Variants in KIRREL3 observed in about 807,000 individuals in gnomAD.
The protein encoded by KIRREL3 is kirre like nephrin family adhesion molecule 3.
In KIRREL3, 36 loss-of-function variants were observed where a neutral mutation model predicts 89.7. That is an observed-to-expected ratio of 0.40 (90% confidence interval 0.31 to 0.53). The LOEUF is 0.53. Ranked by LOEUF, KIRREL3 falls within the 20% of genes least tolerant of loss-of-function variation. The probability of loss-of-function intolerance (pLI) is 0.49; values close to 1 mark genes in which losing one functional copy is unlikely to be tolerated. For synonymous variants in KIRREL3, 445 were observed against 441.4 expected (o/e 1.01, Z -0.10); for missense variants, 864 against 1,056.6 (o/e 0.82, Z 2.53).
chr11:126,905,078 C>T lies in KIRREL3; in HGVS notation c.55+95377G>A, dbSNP rs1374553604. On this transcript the variant is annotated intron_variant, in intron 1 of 16. Transcript: ENST00000525144. The surrounding 1 kb of genome is among the most constrained non-coding windows in gnomAD (Gnocchi z 5.0). ...TTCCCTGGTTTGGCAAAAAGGGCGACATGATGGTTGGTGTCTATGAAGACA... is the reference window on the plus strand; with the variant it reads ...TTCCCTGGTTTGGCAAAAAGGGCGATATGATGGTTGGTGTCTATGAAGACA... Among the ~76,000 whole-genome samples, 1 of 152,124 alleles carries T rather than the reference C, an allele frequency of 6.6e-6. No homozygotes were observed. The highest frequency in any genetic ancestry group is 1.5e-5 in the Non-Finnish European group (1 of 68,020).
rs547381322 is a variant in KIRREL3, at chr11:126,685,213, C to G, written c.56-122301G>C. Among the ~76,000 whole-genome samples the G allele has an allele frequency of 6.6e-5, 10 of 152,330 alleles. No individual in the cohort carries two copies. In the South Asian group the frequency reaches 1.7e-3, roughly 25 times the overall value. On this transcript the variant is annotated intron_variant, in intron 1 of 16. Coordinates refer to ENST00000525144, the MANE Select transcript of KIRREL3 (RefSeq NM_032531.4). This position sits in a 1 kb window ranked among gnomAD's most constrained non-coding sequence, Gnocchi z 5.5. Reference sequence around the variant, plus strand: ...ATGTGCTGAGAGCAGAGGATAGCCCCAGCTCTGCTCTGGGGAGTCAGGGGC... The same window carrying G: ...ATGTGCTGAGAGCAGAGGATAGCCCGAGCTCTGCTCTGGGGAGTCAGGGGC...
In KIRREL3 at chr11:126,723,611, A is replaced by G. The variant is rs1824564249; in HGVS notation, c.56-160699T>C. Among the ~76,000 whole-genome samples, 1 of 152,212 alleles carries G rather than the reference A, an allele frequency of 6.6e-6. No individual in the cohort carries two copies. Among genetic ancestry groups the G allele is most frequent in the South Asian group, 2.1e-4 (1 of 4,834 alleles). ...AGTGGATCTCAACTTCAGCAAACAG[A>G]ACATTTTCTACTTTTCTATACTGTA... On this transcript the variant is annotated intron_variant, in intron 1 of 16. Coordinates refer to ENST00000525144, the MANE Select transcript of KIRREL3 (RefSeq NM_032531.4). This position sits in a 1 kb window ranked among gnomAD's most constrained non-coding sequence, Gnocchi z 4.0.
At chr11:126,928,327 G>A (rs918909412) in intron 1 of KIRREL3, among the ~76,000 whole-genome samples, 1 of 152,228 alleles carries the variant, frequency 6.6e-6, no homozygotes, top group African/African-American at 2.4e-5. Context: ...CAGAGGTGGG[G>A]AAGAAATGAG....
chr11:126,633,493 T>C (rs527536364), intron 1 of KIRREL3, among the ~76,000 whole-genome samples: 123 of 152,250 alleles, frequency 8.1e-4, no homozygotes, highest in Admixed American at 3.6e-3. Context: ...GTTCTCATTC[T>C]TCGTTCCCAC....
At position 126,978,831 on chromosome 11, in the gene KIRREL3, T is replaced by C. The variant is rs2135240258; in HGVS notation, c.55+21624A>G. ...TGGATGTCCCCTGGGTCCCTACCTC[T>C]CTGCACCCGGGATGCTTATTCTCTT... On this transcript the variant is annotated intron_variant, in intron 1 of 16. Coordinates refer to ENST00000525144, the MANE Select transcript of KIRREL3 (RefSeq NM_032531.4). The surrounding 1 kb of genome is among the most constrained non-coding windows in gnomAD (Gnocchi z 4.2). 6.6e-6 allele frequency among the ~76,000 whole-genome samples: 1 copy of C among 152,180 alleles called. No homozygotes were observed. Among genetic ancestry groups the C allele is most frequent in the East Asian group, 1.9e-4 (1 of 5,194 alleles).
At chr11:126,440,956 A>C (rs1591536563) in intron 10 of KIRREL3, 56 of 186,490 alleles carry the variant, frequency 3.0e-4, no homozygotes, top group Middle Eastern at 2.3e-3. Flanking sequence ...ATGAAGGAAG[A>C]CTCCCCCGCC....
chr11:126,437,103 C>A, intron 11 of KIRREL3, 94 bp from the exon 12 acceptor site: 1 of 1,178,012 alleles, frequency 8.5e-7, no homozygotes, highest in South Asian at 1.7e-5. Flanking sequence ...TGCTCATGTT[C>A]ATGCTCACTG....
At chr11:126,933,633 T>C (rs1261989803) in intron 1 of KIRREL3, among the ~76,000 whole-genome samples, 1 of 151,904 alleles carries the variant, frequency 6.6e-6, no homozygotes, top group African/African-American at 2.4e-5. Context: ...CAAAATTAAT[T>C]TGGTTTCTAC....
rs757630610 is a variant in KIRREL3, at chr11:126,906,714, T to G, written c.55+93741A>C. Among the ~76,000 whole-genome samples the G allele has an allele frequency of 2.0e-5, 3 of 152,172 alleles. No individual in the cohort carries two copies. The highest frequency in any genetic ancestry group is 2.9e-5 in the Non-Finnish European group (2 of 68,038). On this transcript the variant is annotated intron_variant, in intron 1 of 16. Coordinates refer to ENST00000525144, the MANE Select transcript of KIRREL3 (RefSeq NM_032531.4). The surrounding 1 kb of genome is among the most constrained non-coding windows in gnomAD (Gnocchi z 4.1). ...TGAACTGCACGCATTATAAGGCAAA[T>G]TAGATCCTGAAAGTCTGCACTGCAC...
chr11:126,887,835 A>G (rs1483987230), intron 1 of KIRREL3, among the ~76,000 whole-genome samples: 4 of 152,226 alleles, frequency 2.6e-5, no homozygotes, highest in Admixed American at 2.0e-4. Context: ...CGTAACCTTC[A>G]GAATCAGTTA....
chr11:126,757,229 C>T (rs1414864373), intron 1 of KIRREL3, among the ~76,000 whole-genome samples: 2 of 149,960 alleles, frequency 1.3e-5, no homozygotes, highest in Non-Finnish European at 3.0e-5. Flanking sequence ...CATAAAGGCA[C>T]AATGTTTAAA....
In KIRREL3 at chr11:126,550,956, G is replaced by A. The variant is rs928414950; in HGVS notation, c.133+11879C>T. Among the ~76,000 whole-genome samples the A allele has an allele frequency of 3.9e-5, 6 of 152,212 alleles. No homozygotes were observed. Among genetic ancestry groups the A allele is most frequent in the Non-Finnish European group, 8.8e-5 (6 of 68,046 alleles). ...CCCCACACCCTGGCACCTGTCACAA[G>A]TTCAGGCTTCCAGAACTTCTGGCAG... On this transcript the variant is annotated intron_variant, in intron 2 of 16. Transcript: ENST00000525144. This position sits in a 1 kb window ranked among gnomAD's most constrained non-coding sequence, Gnocchi z 4.9.
Position 126,620,520 on chromosome 11 carries a change from G to C in KIRREL3, c.56-57608C>G, listed in dbSNP as rs554372576. On this transcript the variant is annotated intron_variant, in intron 1 of 16. Transcript: ENST00000525144. This position sits in a 1 kb window ranked among gnomAD's most constrained non-coding sequence, Gnocchi z 4.8. Reference sequence around the variant, plus strand: ...CATACACCACACACCATTGTCTATGGGGTGCCTGTGCATGTGTGTTGTGTA... The same window carrying C: ...CATACACCACACACCATTGTCTATGCGGTGCCTGTGCATGTGTGTTGTGTA... 2.0e-5 allele frequency among the ~76,000 whole-genome samples: 3 copies of C among 152,280 alleles called. No individual in the cohort carries two copies. Among genetic ancestry groups the C allele is most frequent in the South Asian group, 4.1e-4 (2 of 4,822 alleles).
intron 7 of KIRREL3, among the ~76,000 whole-genome samples, chr11:126,451,231 ATG>A (rs1565463972): frequency 8.3e-6 from 1 of 120,528 alleles, no homozygotes; most frequent in Non-Finnish European, 1.7e-5. Flanking sequence ...GTGTGTATGC[ATG>A]TGTACATGTG....
chr11:126,734,811 C>T lies in KIRREL3; in HGVS notation c.56-171899G>A, dbSNP rs539965165. Among the ~76,000 whole-genome samples, 7 of 152,220 alleles carry T rather than the reference C, an allele frequency of 4.6e-5. No homozygotes were observed. In the South Asian group the frequency reaches 1.0e-3, roughly 23 times the overall value. On this transcript the variant is annotated intron_variant, in intron 1 of 16. Transcript: ENST00000525144. This position sits in a 1 kb window ranked among gnomAD's most constrained non-coding sequence, Gnocchi z 5.9. Reference sequence around the variant, plus strand: ...CTGATGAGCAGGTCAGAGAAGTTTTCGTTGGAGGGGTACTTTCTGAACGAT... The same window carrying T: ...CTGATGAGCAGGTCAGAGAAGTTTTTGTTGGAGGGGTACTTTCTGAACGAT...
At chr11:126,770,560 C>T (rs558288659) in intron 1 of KIRREL3, among the ~76,000 whole-genome samples, 17 of 152,302 alleles carry the variant, frequency 1.1e-4, no homozygotes, top group Middle Eastern at 3.4e-3. Context: ...CGAAGCACAT[C>T]GTGCCTCTTG....
chr11:126,548,944 T>TA (rs1243780052), intron 2 of KIRREL3, among the ~76,000 whole-genome samples: 1 of 152,148 alleles, frequency 6.6e-6, no homozygotes, highest in African/African-American at 2.4e-5. Context: ...ACCTAATGTT[T>TA]AGTCAAACCT....
Position 126,614,526 on chromosome 11 carries a change from G to C in KIRREL3, c.56-51614C>G, listed in dbSNP as rs1274171863. On this transcript the variant is annotated intron_variant, in intron 1 of 16. Coordinates refer to ENST00000525144, the MANE Select transcript of KIRREL3 (RefSeq NM_032531.4). The surrounding 1 kb of genome is among the most constrained non-coding windows in gnomAD (Gnocchi z 4.6). ...TCAATTAAATCAGACTTTCTCATGA[G>C]GGTGCATGGACCTGGGCATTGGTGT... Among the ~76,000 whole-genome samples, 1 of 152,194 alleles carries C rather than the reference G, an allele frequency of 6.6e-6. No homozygotes were observed. Among genetic ancestry groups the C allele is most frequent in the Non-Finnish European group, 1.5e-5 (1 of 68,032 alleles).
rs1949992032 is a variant in KIRREL3, at chr11:126,990,251, C to G, written c.55+10204G>C. Reference sequence around the variant, plus strand: ...TCGCTCCCTCTCTTTGAAGCTCTCTCAAGCCCCTCTGAGCATTTGCAATTG... The same window carrying G: ...TCGCTCCCTCTCTTTGAAGCTCTCTGAAGCCCCTCTGAGCATTTGCAATTG... On this transcript the variant is annotated intron_variant, in intron 1 of 16. Transcript: ENST00000525144. The surrounding 1 kb of genome is among the most constrained non-coding windows in gnomAD (Gnocchi z 6.3). 6.6e-6 allele frequency among the ~76,000 whole-genome samples: 1 copy of G among 152,178 alleles called. No individual in the cohort carries two copies. The highest frequency in any genetic ancestry group is 2.1e-4 in the South Asian group (1 of 4,826).
Sources: gnomAD v4.1 joint callset for allele counts (sites outside exome capture counted in the v4.1 genomes callset) on GRCh38, gnomAD v4.1.1 for gene constraint, Gnocchi (gnomAD v3.1) non-coding constraint, MANE v1.5 for transcripts, NCBI Gene and HGNC (gene_info 2026-07-23, HGNC 2026-07-21) for gene names.